Variants in REDIC1 observed in about 807,000 individuals in gnomAD.
The protein encoded by REDIC1 is HEI10 Interacting Protein 1.
chr12:39,866,035 AAG>A, the REDIC1 span, among the ~76,000 whole-genome samples: 1 of 152,246 alleles, frequency 6.6e-6, no homozygotes, highest in Non-Finnish European at 1.5e-5. Flanking sequence ...AAAGTTAAAA[AAG>A]AGAATATGGC....
chr12:39,631,035 C>A, the REDIC1 span, among the ~76,000 whole-genome samples: 4 of 152,234 alleles, frequency 2.6e-5, no homozygotes, highest in East Asian at 1.9e-4. Flanking sequence ...ATTACAGGAA[C>A]CTGCCACTAT....
chr12:39,783,281 T>G, the REDIC1 span, among the ~76,000 whole-genome samples: 101 of 152,206 alleles, frequency 6.6e-4, no homozygotes, highest in Non-Finnish European at 1.2e-3. Context: ...TGATGGACAT[T>G]TGGGTTGGTT....
chr12:39,726,200 G>A, the REDIC1 span, among the ~76,000 whole-genome samples: 1 of 151,624 alleles, frequency 6.6e-6, no homozygotes, highest in Non-Finnish European at 1.5e-5. Context: ...TCCGGACACA[G>A]GTGCAGAATA....
At chr12:39,714,295 G>A in the REDIC1 span, among the ~76,000 whole-genome samples, 1 of 147,128 alleles carries the variant, frequency 6.8e-6, no homozygotes, top group African/African-American at 2.5e-5. Flanking sequence ...GTATATGCAT[G>A]CATATATGTA....
chr12:39,742,389 A>G, the REDIC1 span, among the ~76,000 whole-genome samples: 1 of 152,218 alleles, frequency 6.6e-6, no homozygotes, highest in Admixed American at 6.5e-5. Context: ...GAACTCTAAC[A>G]TCTAACAATT....
the REDIC1 span, among the ~76,000 whole-genome samples, chr12:39,855,708 C>T: frequency 6.6e-6 from 1 of 152,132 alleles, no homozygotes; most frequent in African/African-American, 2.4e-5. Flanking sequence ...CTTCGATTTC[C>T]TAAGCTGTAT....
At chr12:39,717,396 C>T in the REDIC1 span, among the ~76,000 whole-genome samples, 6 of 151,644 alleles carry the variant, frequency 4.0e-5, no homozygotes, top group African/African-American at 1.5e-4. Context: ...GAAAAGAAAA[C>T]GTTACTAAGG....
the REDIC1 span, among the ~76,000 whole-genome samples, chr12:39,669,429 A>G: frequency 3.9e-5 from 6 of 152,246 alleles, no homozygotes; most frequent in African/African-American, 1.2e-4. Flanking sequence ...TTCTCAGAGG[A>G]GTACCCGGCC....
the REDIC1 span, chr12:39,756,810 G>GA: frequency 1.3e-5 from 2 of 151,536 alleles, no homozygotes; most frequent in African/African-American, 4.8e-5. Flanking sequence ...CTTTTAGAGT[G>GA]AATAACTTAA....
the REDIC1 span, among the ~76,000 whole-genome samples, chr12:39,753,019 G>T: frequency 6.6e-6 from 1 of 152,192 alleles, no homozygotes; most frequent in Non-Finnish European, 1.5e-5. Context: ...AACACACTCA[G>T]GTGATGCCAA....
the REDIC1 span, among the ~76,000 whole-genome samples, chr12:39,847,364 G>C: frequency 6.6e-6 from 1 of 151,922 alleles, no homozygotes; most frequent in African/African-American, 2.4e-5. Flanking sequence ...CCCTCCTCCC[G>C]ACTGCTAGAC....
the REDIC1 span, among the ~76,000 whole-genome samples, chr12:39,891,958 A>G: frequency 2.0e-5 from 3 of 152,186 alleles, no homozygotes; most frequent in African/African-American, 7.2e-5. Flanking sequence ...ATTTTGGGAA[A>G]TATGGTTATC....
chr12:39,830,910 C>T, the REDIC1 span, among the ~76,000 whole-genome samples: 1 of 152,128 alleles, frequency 6.6e-6, no homozygotes, highest in Non-Finnish European at 1.5e-5. Context: ...AATTGGATCA[C>T]AAAGTCATAA....
chr12:39,847,941 C>T, the REDIC1 span, among the ~76,000 whole-genome samples: 2 of 152,166 alleles, frequency 1.3e-5, no homozygotes, highest in African/African-American at 4.8e-5. Flanking sequence ...TTTCCTACTT[C>T]TGATGAGAGG....
the REDIC1 span, among the ~76,000 whole-genome samples, chr12:39,742,487 C>T: frequency 2.0e-5 from 3 of 152,114 alleles, no homozygotes; most frequent in Admixed American, 6.5e-5. Flanking sequence ...AAAAATACAG[C>T]TGTCTTGGTG....
At chr12:39,635,959 C>T in the REDIC1 span, among the ~76,000 whole-genome samples, 1 of 152,044 alleles carries the variant, frequency 6.6e-6, no homozygotes, top group African/African-American at 2.4e-5. Flanking sequence ...ATCTAAAAAC[C>T]AGTTTAGTTA....
At chr12:39,757,916 A>C in the REDIC1 span, 1 of 152,268 alleles carries the variant, frequency 6.6e-6, no homozygotes, top group Non-Finnish European at 1.5e-5. Context: ...AGTCCAAAAA[A>C]TAAATTTTTA....
chr12:39,750,773 CTGATCTT>C, the REDIC1 span, among the ~76,000 whole-genome samples: 1 of 152,186 alleles, frequency 6.6e-6, no homozygotes, highest in South Asian at 2.1e-4. Context: ...CTACAACCAT[CTGATCTT>C]TGACAAACCT....
the REDIC1 span, among the ~76,000 whole-genome samples, chr12:39,712,188 A>C: frequency 5.1e-5 from 7 of 137,328 alleles, no homozygotes; most frequent in Non-Finnish European, 9.4e-5. Flanking sequence ...CTGTATGTAT[A>C]TGTACATACA....
Sources: gnomAD v4.1 joint callset for allele counts (sites outside exome capture counted in the v4.1 genomes callset) on GRCh38, gnomAD v4.1.1 for gene constraint, MANE v1.5 for transcripts, NCBI Gene and HGNC (gene_info 2026-07-23, HGNC 2026-07-21) for gene names.